Variants in MKRN2OS observed in about 807,000 individuals in gnomAD.
MKRN2OS encodes MKRN2 opposite strand, also known as MKRN2 opposite strand protein.
A neutral mutation model predicts 18.2 loss-of-function variants in MKRN2OS; 17 were observed. That is an observed-to-expected ratio of 0.93 (90% confidence interval 0.64 to 1.40). The LOEUF is 1.40. Ranked by LOEUF, MKRN2OS falls within the 40% of genes most tolerant of loss-of-function variation. The probability of loss-of-function intolerance (pLI) is 0.00; values close to 1 mark genes in which losing one functional copy is unlikely to be tolerated. For synonymous variants in MKRN2OS, 121 were observed against 108.5 expected (o/e 1.12, Z -0.72); for missense variants, 337 against 283.0 (o/e 1.19, Z -1.37).
At chr3:12,548,003 A>G (rs2057899133), upstream of MKRN2OS, among the ~76,000 whole-genome samples, 1 of 151,384 alleles carries the variant, frequency 6.6e-6, no homozygotes, top group African/African-American at 2.4e-5. Context: ...GAGATTGTTC[A>G]TTATTAATAC....
In MKRN2OS at chr3:12,545,266, T is replaced by C; in HGVS notation, c.199A>G (p.Thr67Ala). 2 of 1,535,122 alleles carry C rather than the reference T, an allele frequency of 1.3e-6. No homozygotes were observed. ...CTGTACCTAAGAAATGTCCCCTGAG[T>C]TGGTCTGAGGAGGAATGAACATTTT... ...QEKCSFLLRP[T>A]QGTFLREYDG... The change falls in exon 1 of 4, where the codon ACT becomes GCT. Residue 67 changes from threonine to alanine, a missense_variant. Transcript: ENST00000564146.
At chr3:12,556,882 C>T (rs971287481) in intron 1 of MKRN2OS, 11 of 383,016 alleles carry the variant, frequency 2.9e-5, no homozygotes, top group Non-Finnish European at 5.1e-5. Flanking sequence ...ACTAAGATGC[C>T]AGCCAGGCTC....
intron 1 of MKRN2OS, among the ~76,000 whole-genome samples, chr3:12,544,369 C>T (rs2057857101): frequency 6.6e-6 from 1 of 152,122 alleles, no homozygotes; most frequent in African/African-American, 2.4e-5. Context: ...TGGTAAACTC[C>T]ACGGGGACAA....
intron 1 of MKRN2OS, among the ~76,000 whole-genome samples, chr3:12,556,124 T>C (rs1412885656): frequency 6.6e-6 from 1 of 152,158 alleles, no homozygotes; most frequent in East Asian, 1.9e-4. Flanking sequence ...AAAAGGTGAA[T>C]GACATGATCC....
chr3:12,543,458 G>T (rs2057843498), intron 1 of MKRN2OS, among the ~76,000 whole-genome samples: 1 of 152,032 alleles, frequency 6.6e-6, no homozygotes, highest in Non-Finnish European at 1.5e-5. Context: ...GTGTTAGTGT[G>T]CATCTGTGAT....
chr3:12,546,607 G>A (rs1255425421), upstream of MKRN2OS, among the ~76,000 whole-genome samples: 5 of 115,920 alleles, frequency 4.3e-5, no homozygotes, highest in African/African-American at 1.1e-4. Flanking sequence ...TTGAGACAGA[G>A]TCTCACTCTT....
intron 1 of MKRN2OS, chr3:12,560,610 A>C (rs2058029234): frequency 6.6e-6 from 1 of 152,216 alleles, no homozygotes; most frequent in Non-Finnish European, 1.5e-5. Flanking sequence ...TTTGCTTAGC[A>C]CTGCTGCTGC....
intron 1 of MKRN2OS, among the ~76,000 whole-genome samples, chr3:12,558,417 G>C (rs985478934): frequency 6.6e-6 from 1 of 152,156 alleles, no homozygotes; most frequent in African/African-American, 2.4e-5. Context: ...AGGTCATTGT[G>C]CACTGTAAAG....
At chr3:12,547,699 C>A (rs932305003), upstream of MKRN2OS, among the ~76,000 whole-genome samples, 24 of 152,104 alleles carry the variant, frequency 1.6e-4, no homozygotes, top group African/African-American at 5.8e-4. Flanking sequence ...TTAACCAAGG[C>A]CTAATTGATG....
rs1162547749 is a variant in MKRN2OS, at chr3:12,557,044, C to T, written n.265-2910G>A. On this transcript the variant is annotated intron_variant and non_coding_transcript_variant, in intron 1 of 1. Coordinates refer to the MKRN2OS transcript ENST00000447550. ...CGGAGGGGCGGCGTGCGCCGGCGTG[C>T]GCCGGCGTGACGCGGCTACGCGGGA... 8 of 1,083,346 alleles carry T rather than the reference C, an allele frequency of 7.4e-6. No homozygotes were observed. The South Asian group carries it at 1.6e-4, about 21-fold the overall frequency. 67.1% of individuals were successfully genotyped at this position (1,083,346 alleles called of 1,614,324 possible).
chr3:12,556,866 G>T (rs2057975477), intron 1 of MKRN2OS: 2 of 373,594 alleles, frequency 5.4e-6, no homozygotes, highest in Middle Eastern at 7.1e-4. Flanking sequence ...GGATAAGACT[G>T]GCAGGACTAA....
intron 1 of MKRN2OS, among the ~76,000 whole-genome samples, chr3:12,558,491 A>G (rs1170851619): frequency 2.0e-5 from 3 of 152,224 alleles, no homozygotes; most frequent in Non-Finnish European, 2.9e-5. Flanking sequence ...TAATTCTACC[A>G]TTTATTCCCG....
chr3:12,545,454 G>A lies in MKRN2OS; in HGVS notation c.11C>T (p.Ala4Val). ...TTTAATTAAAGCCTTCCCAGCCTCT[G>A]CGCAGTGCATAGCTTTCGCCTCCTG... is the stretch of plus-strand genomic sequence containing the variant. Reference protein sequence around the residue: MHCAEAGKALIKFN... With the variant: MHCVEAGKALIKFN... The change falls in exon 1 of 4, where the codon GCA becomes GTA. Residue 4 changes from alanine (A) to valine (V), a missense_variant. Ala to Val is a moderately conservative substitution (Grantham distance 64, BLOSUM62 0). Coordinates refer to ENST00000564146, the MANE Select transcript of MKRN2OS (RefSeq NM_001195279.2). The A allele has an allele frequency of 2.0e-6, 3 of 1,530,936 alleles. No individual in the cohort carries two copies. The highest frequency in any genetic ancestry group is 1.7e-6 in the Non-Finnish European group (2 of 1,144,396). 94.8% of individuals were successfully genotyped at this position (1,530,936 alleles called of 1,614,324 possible).
intron 1 of MKRN2OS, among the ~76,000 whole-genome samples, chr3:12,556,689 G>T (rs2057973952): frequency 6.6e-6 from 1 of 152,194 alleles, no homozygotes; most frequent in African/African-American, 2.4e-5. Context: ...CAGGGCCTGA[G>T]AAGGGTGCCC....
chr3:12,560,441 C>CA (rs1346098957), intron 1 of MKRN2OS, among the ~76,000 whole-genome samples: 1 of 132,488 alleles, frequency 7.5e-6, no homozygotes, highest in African/African-American at 3.0e-5. Context: ...GGAGTATAGC[C>CA]GTAAAATTTT....
At chr3:12,559,270 A>G in intron 1 of MKRN2OS, among the ~76,000 whole-genome samples, 1 of 152,222 alleles carries the variant, frequency 6.6e-6, no homozygotes, top group Non-Finnish European at 1.5e-5. Context: ...TTTATCTACC[A>G]TCAACTTTTC....
chr3:12,553,613 A>G (rs1002122159), downstream of MKRN2OS, among the ~76,000 whole-genome samples: 1 of 152,160 alleles, frequency 6.6e-6, no homozygotes, highest in Non-Finnish European at 1.5e-5. Context: ...CAGGAACAAA[A>G]TAAGATGTAC....
chr3:12,548,652 C>T (rs1337465377), upstream of MKRN2OS, among the ~76,000 whole-genome samples: 1 of 151,992 alleles, frequency 6.6e-6, no homozygotes, highest in African/African-American at 2.4e-5. Flanking sequence ...ATAAATAAAC[C>T]ACATGGTATT....
At chr3:12,548,820 G>T (rs1186681506), upstream of MKRN2OS, among the ~76,000 whole-genome samples, 2 of 151,820 alleles carry the variant, frequency 1.3e-5, no homozygotes, top group East Asian at 3.9e-4. Context: ...TTCAACACAA[G>T]CATCTTCAAT....
Sources: gnomAD v4.1 joint callset for allele counts (sites outside exome capture counted in the v4.1 genomes callset) on GRCh38, gnomAD v4.1.1 for gene constraint, MANE v1.5 for transcripts, NCBI Gene and HGNC (gene_info 2026-07-23, HGNC 2026-07-21) for gene names.